Variants in GRIK2 observed in about 807,000 individuals in gnomAD.
GRIK2 encodes glutamate ionotropic receptor kainate type subunit 2.
A neutral mutation model predicts 100.3 loss-of-function variants in GRIK2; 32 were observed. The observed-to-expected ratio is 0.32, with a 90% CI of 0.24 to 0.43. The LOEUF is 0.43. GRIK2 is among the 20% of genes least tolerant of loss of function. GRIK2 has a pLI of 1.00. For synonymous variants in GRIK2, 417 were observed against 389.4 expected (o/e 1.07, Z -0.83); for missense variants, 843 against 1,114.9 (o/e 0.76, Z 3.47).
chr6:101,896,584 C>T (rs749082269), intron 12 of GRIK2, among the ~76,000 whole-genome samples: 49 of 151,584 alleles, frequency 3.2e-4, no homozygotes, highest in Non-Finnish European at 6.1e-4. Context: ...TAAGTATAAA[C>T]GCAAGAGCAG....
At chr6:101,451,405 G>T (rs1041986454) in intron 2 of GRIK2, among the ~76,000 whole-genome samples, 1 of 151,496 alleles carries the variant, frequency 6.6e-6, no homozygotes, top group African/African-American at 2.4e-5. Context: ...GGGCCGTATG[G>T]TTATCATTCT....
chr6:101,661,786 G>A (rs1370979730), intron 4 of GRIK2, among the ~76,000 whole-genome samples: 1 of 152,054 alleles, frequency 6.6e-6, no homozygotes, highest in East Asian at 1.9e-4. Flanking sequence ...GATTTGGCTT[G>A]CCCTCCGTGG....
chr6:101,638,776 T>C (rs1220958906), intron 4 of GRIK2, among the ~76,000 whole-genome samples: 2 of 151,906 alleles, frequency 1.3e-5, no homozygotes, highest in African/African-American at 4.8e-5. Flanking sequence ...TCTTTTAAAA[T>C]AGCTTTGTGT....
intron 7 of GRIK2, among the ~76,000 whole-genome samples, chr6:101,775,443 C>G (rs1384739295): frequency 6.6e-6 from 1 of 151,880 alleles, no homozygotes; most frequent in Non-Finnish European, 1.5e-5. Flanking sequence ...CCTAATTCAT[C>G]AATTTGTCTC....
chr6:101,963,948 G>A (rs1382223487), intron 14 of GRIK2, among the ~76,000 whole-genome samples: 3 of 151,630 alleles, frequency 2.0e-5, no homozygotes, highest in Non-Finnish European at 4.4e-5. Context: ...TTATTACCTG[G>A]CTCTCTTCTT....
At chr6:101,424,459 G>C (rs111403618) in intron 2 of GRIK2, among the ~76,000 whole-genome samples, 3,964 of 151,354 alleles carry the variant, frequency 0.026, 191 homozygotes, top group African/African-American at 0.092. Flanking sequence ...TAAGAATGAT[G>C]GTTTCCAGCT....
At chr6:101,888,088 A>C (rs550375849) in intron 11 of GRIK2, among the ~76,000 whole-genome samples, 1 of 152,306 alleles carries the variant, frequency 6.6e-6, no homozygotes, top group East Asian at 1.9e-4. Context: ...GAAAGACTGT[A>C]ATCTATCAAT....
intron 12 of GRIK2, among the ~76,000 whole-genome samples, chr6:101,901,674 A>G (rs1220082424): frequency 1.3e-5 from 2 of 151,898 alleles, no homozygotes; most frequent in Non-Finnish European, 2.9e-5. Flanking sequence ...ATAAATTTTA[A>G]GTGGAAGTTA....
chr6:101,676,540 T>A, intron 4 of GRIK2, 83 bp from the exon 5 acceptor site: 1 of 778,526 alleles, frequency 1.3e-6, no homozygotes, highest in South Asian at 2.2e-5. Flanking sequence ...AAATTATACA[T>A]TCTAATGAGT....
intron 14 of GRIK2, among the ~76,000 whole-genome samples, chr6:102,025,765 TA>T (rs1769661677): frequency 6.6e-6 from 1 of 151,252 alleles, no homozygotes; most frequent in Admixed American, 6.6e-5. Context: ...TTGTTTTTGG[TA>T]AATCTACGCA....
At chr6:101,723,474 C>G (rs1403229041) in intron 7 of GRIK2, among the ~76,000 whole-genome samples, 2 of 151,878 alleles carry the variant, frequency 1.3e-5, no homozygotes, top group African/African-American at 4.8e-5. Context: ...TTTGAGTCAG[C>G]CAATTACTAG....
intron 10 of GRIK2, among the ~76,000 whole-genome samples, chr6:101,846,928 T>C (rs1475182808): frequency 6.6e-6 from 1 of 151,976 alleles, no homozygotes; most frequent in Admixed American, 6.6e-5. Flanking sequence ...GTTAATTTTG[T>C]TCATCTTTTC....
chr6:101,744,523 C>CATATATATATATAT (rs60236327), intron 7 of GRIK2: 73 of 61,232 alleles, frequency 1.2e-3, no homozygotes, highest in Non-Finnish European at 1.9e-3. Flanking sequence ...TGCGTGCGCG[C>CATATATATATATAT]ATATATATAT....
Position 101,621,969 on chromosome 6 carries a change from G to A in GRIK2, c.136G>A (p.Glu46Lys). 1 of 1,608,848 alleles carries A rather than the reference G, an allele frequency of 6.2e-7. No homozygotes were observed. The highest frequency in any genetic ancestry group is 8.5e-7 in the Non-Finnish European group (1 of 1,175,820). Residue 46 changes from glutamate to lysine, a missense_variant, in exon 3 of 17, where the codon GAA (glutamate) becomes AAA (lysine). This residue lies in a region of GRIK2 where 519 missense variants were observed against 643.8 expected (regional missense o/e 0.81). Coordinates refer to ENST00000369134, the MANE Select transcript of GRIK2 (RefSeq NM_021956.5). ...GCCAGGTGGTATTTTTGAATATGTG[G>A]AATCTGGCCCAATGGGAGCTGAGGA... Reference protein sequence around the residue: ...LRFGGIFEYVESGPMGAEELA... With the variant: ...LRFGGIFEYVKSGPMGAEELA...
At chr6:101,445,195 A>G (rs1432977825) in intron 2 of GRIK2, among the ~76,000 whole-genome samples, 1 of 152,052 alleles carries the variant, frequency 6.6e-6, no homozygotes, top group Non-Finnish European at 1.5e-5. Flanking sequence ...TTCTCTTGCC[A>G]TTGTATTTAG....
chr6:101,944,092 G>A (rs1040033183), intron 14 of GRIK2, among the ~76,000 whole-genome samples: 1 of 152,050 alleles, frequency 6.6e-6, no homozygotes, highest in Non-Finnish European at 1.5e-5. Flanking sequence ...GTTCTCATGA[G>A]ATCTGATAAT....
chr6:101,479,502 C>T (rs1472475074), intron 2 of GRIK2, among the ~76,000 whole-genome samples: 1 of 152,034 alleles, frequency 6.6e-6, no homozygotes, highest in Non-Finnish European at 1.5e-5. Flanking sequence ...AATTTGAAGT[C>T]TATAAAACAG....
At chr6:101,829,166 G>A (rs1338334947) in intron 10 of GRIK2, among the ~76,000 whole-genome samples, 2 of 151,814 alleles carry the variant, frequency 1.3e-5, no homozygotes, top group East Asian at 3.9e-4. Context: ...AAAACATATG[G>A]TCATCTGAAT....
At chr6:101,707,625 TA>T (rs1773428965) in intron 7 of GRIK2, among the ~76,000 whole-genome samples, 1 of 145,748 alleles carries the variant, frequency 6.9e-6, no homozygotes, top group Admixed American at 6.9e-5. Flanking sequence ...TATATATATA[TA>T]TGAATTGTGA....
Sources: gnomAD v4.1 joint callset for allele counts (sites outside exome capture counted in the v4.1 genomes callset) on GRCh38, gnomAD v4.1.1 for gene constraint, gnomAD v4.1.1 regional missense constraint, MANE v1.5 for transcripts, NCBI Gene and HGNC (gene_info 2026-07-23, HGNC 2026-07-21) for gene names.